The following KCNH7 variants were observed in gnomAD, a reference collection of about 807,000 sequenced individuals.
KCNH7 encodes voltage-gated inwardly rectifying potassium channel KCNH7.
In KCNH7, 49 loss-of-function variants were observed where a neutral mutation model predicts 120.8. The ratio of observed to expected loss-of-function variants is 0.41; its 90% CI spans 0.32 to 0.51. The LOEUF (loss-of-function observed/expected upper bound fraction) is 0.51. Among genes scored for constraint, KCNH7 ranks in the 20% least tolerant of loss-of-function variants. The pLI is 0.38. For synonymous variants in KCNH7, 547 were observed against 516.1 expected, an observed-to-expected ratio of 1.06 and a Z score of -0.81; for missense variants, 1,097 against 1,446.6, an observed-to-expected ratio of 0.76 and a Z score of 3.92.
intron 2 of KCNH7, 130 bp from the exon 3 acceptor site, chr2:162,537,210 T>C: frequency 1.5e-6 from 1 of 671,600 alleles, no homozygotes; most frequent in Non-Finnish European, 2.3e-6. Flanking sequence ...AAAAATAATT[T>C]GATCTTTTTT....
chr2:162,804,037 T>A (rs1218505851), intron 2 of KCNH7, among the ~76,000 whole-genome samples: 1 of 151,888 alleles, frequency 6.6e-6, no homozygotes, highest in Non-Finnish European at 1.5e-5. Flanking sequence ...ATGTTATTTC[T>A]ATGAACTTGA....
intron 6 of KCNH7, among the ~76,000 whole-genome samples, chr2:162,482,647 T>C (rs187737394): frequency 2.0e-5 from 3 of 152,296 alleles, no homozygotes; most frequent in South Asian, 4.1e-4. Context: ...AATCAAGGTA[T>C]GTGTCAGGTC....
intron 2 of KCNH7, among the ~76,000 whole-genome samples, chr2:162,643,804 C>CAAAAAAA (rs781089376): frequency 8.9e-5 from 8 of 90,392 alleles, no homozygotes; most frequent in African/African-American, 1.4e-4. Flanking sequence ...GACTCTATCT[C>CAAAAAAA]AAAAAAAAAA....
chr2:162,780,830 C>T (rs1480411798), intron 2 of KCNH7, among the ~76,000 whole-genome samples: 1 of 151,934 alleles, frequency 6.6e-6, no homozygotes, highest in African/African-American at 2.4e-5. Flanking sequence ...TTACTCAATT[C>T]GAAAAGTATA....
chr2:162,660,381 C>T (rs1213668282), intron 2 of KCNH7, among the ~76,000 whole-genome samples: 1 of 151,960 alleles, frequency 6.6e-6, no homozygotes, highest in African/African-American at 2.4e-5. Context: ...TTGTTTGACC[C>T]ATGTGTTATT....
At chr2:162,712,487 A>C (rs1686961837) in intron 2 of KCNH7, among the ~76,000 whole-genome samples, 1 of 152,102 alleles carries the variant, frequency 6.6e-6, no homozygotes, top group Non-Finnish European at 1.5e-5. Context: ...GCTGCATAAG[A>C]GGGGAGAATG....
At chr2:162,716,478 T>G (rs1357503692) in intron 2 of KCNH7, among the ~76,000 whole-genome samples, 1 of 152,208 alleles carries the variant, frequency 6.6e-6, no homozygotes, top group Non-Finnish European at 1.5e-5. Context: ...AAACAGAAGA[T>G]AGATTATATG....
At chr2:162,445,939 CTCT>C in intron 7 of KCNH7, 76 bp downstream of exon 7, 1 of 1,111,730 alleles carries the variant, frequency 9.0e-7, no homozygotes. Context: ...TGCAAAGCAA[CTCT>C]TCTTTTTGCA....
intron 2 of KCNH7, among the ~76,000 whole-genome samples, chr2:162,597,388 C>T (rs529275416): frequency 4.8e-4 from 73 of 151,964 alleles, no homozygotes; most frequent in Non-Finnish European, 8.8e-4. Context: ...TCATTTGTGA[C>T]AACATGGATG....
intron 2 of KCNH7, among the ~76,000 whole-genome samples, chr2:162,570,489 G>A (rs889884010): frequency 6.6e-6 from 1 of 151,940 alleles, no homozygotes; most frequent in Admixed American, 6.6e-5. Context: ...TATCCAATTT[G>A]CCAGTCTGTG....
intron 2 of KCNH7, among the ~76,000 whole-genome samples, chr2:162,622,236 C>G (rs1683389435): frequency 6.6e-6 from 1 of 152,176 alleles, no homozygotes. Flanking sequence ...TCACATAAAA[C>G]ATCATGGGAG....
chr2:162,736,395 T>G lies in KCNH7; in HGVS notation c.307+100142A>C, dbSNP rs76586969. Among the ~76,000 whole-genome samples the G allele has an allele frequency of 6.6e-3, 1,008 of 152,364 alleles. 11 individuals are homozygous for G. Among genetic ancestry groups the G allele is most frequent in the African/African-American group, 0.023 (940 of 41,582 alleles). ...TCAAAAATCTGGAAACCTGTGGATGTTGATGCCTTTGTGATTCCCATCAGA... is the reference window on the plus strand; with the variant it reads ...TCAAAAATCTGGAAACCTGTGGATGGTGATGCCTTTGTGATTCCCATCAGA... On this transcript the variant is annotated intron_variant, in intron 2 of 15. Transcript: ENST00000332142.
chr2:162,675,098 A>C (rs2105303122), intron 2 of KCNH7, among the ~76,000 whole-genome samples: 1 of 151,770 alleles, frequency 6.6e-6, no homozygotes, highest in East Asian at 1.9e-4. Flanking sequence ...TAAAATAGGA[A>C]AAACGAGCAG....
intron 6 of KCNH7, 149 bp from the exon 7 acceptor site, chr2:162,446,592 A>G (rs1177483716): frequency 1.1e-5 from 7 of 613,972 alleles, no homozygotes; most frequent in South Asian, 2.3e-5. Flanking sequence ...ACACACATAC[A>G]TTACATAAAC....
intron 3 of KCNH7, 60 bp downstream of exon 3, chr2:162,536,865 T>G (rs1692126040): frequency 7.0e-7 from 1 of 1,423,316 alleles, no homozygotes; most frequent in Non-Finnish European, 9.8e-7. Context: ...AAGACTGTAT[T>G]AAAGTGACTA....
intron 2 of KCNH7, among the ~76,000 whole-genome samples, chr2:162,590,935 ATGGCCT>A (rs1191199123): frequency 6.6e-6 from 1 of 152,160 alleles, no homozygotes; most frequent in Admixed American, 6.5e-5. Context: ...TATAAGCACC[ATGGCCT>A]GGCCCTTGCC....
At chr2:162,695,909 C>T (rs1686271239) in intron 2 of KCNH7, among the ~76,000 whole-genome samples, 1 of 152,108 alleles carries the variant, frequency 6.6e-6, no homozygotes, top group Admixed American at 6.6e-5. Flanking sequence ...TATTTTGGAT[C>T]ACTTCAAGAA....
chr2:162,632,657 G>A (rs1039403160), intron 2 of KCNH7, among the ~76,000 whole-genome samples: 1 of 151,632 alleles, frequency 6.6e-6, no homozygotes, highest in Non-Finnish European at 1.5e-5. Context: ...TCGATCAATG[G>A]AAAAGAATTG....
chr2:162,469,976 C>T (rs7606699), intron 6 of KCNH7, among the ~76,000 whole-genome samples: 3,114 of 152,340 alleles, frequency 0.02, 217 homozygotes, highest in Admixed American at 0.15. Flanking sequence ...CCCGAGGTGC[C>T]GGGATTGCAG....
Sources: gnomAD v4.1 joint callset for allele counts (sites outside exome capture counted in the v4.1 genomes callset) on GRCh38, gnomAD v4.1.1 for gene constraint, MANE v1.5 for transcripts, NCBI Gene and HGNC (gene_info 2026-07-23, HGNC 2026-07-21) for gene names.